Variants in TTPA observed in about 807,000 individuals in gnomAD.
TTPA encodes alpha tocopherol transfer protein.
In TTPA, 23 loss-of-function variants were observed where a neutral mutation model predicts 25.9. The observed-to-expected ratio is 0.89, with a 90% CI of 0.64 to 1.26. The LOEUF (loss-of-function observed/expected upper bound fraction) is 1.26. Among genes scored for constraint, TTPA ranks in the 50% most tolerant of loss-of-function variants. The pLI is 0.00. For synonymous variants in TTPA, 148 were observed against 137.3 expected (o/e 1.08, Z -0.54); for missense variants, 337 against 353.1 (o/e 0.95, Z 0.37).
chr8:63,080,107 G>T (rs989326753), intron 1 of TTPA, among the ~76,000 whole-genome samples: 5 of 152,136 alleles, frequency 3.3e-5, no homozygotes, highest in Admixed American at 6.6e-5. Flanking sequence ...AAATAAAGAT[G>T]TTCTTTGAAA....
intron 1 of TTPA, among the ~76,000 whole-genome samples, chr8:63,081,741 C>T (rs931399936): frequency 2.0e-4 from 30 of 152,108 alleles, no homozygotes; most frequent in African/African-American, 6.8e-4. Flanking sequence ...TTTAGAAAAC[C>T]CCATCGTCTC....
At chr8:63,059,200 T>G (rs1258595672), downstream of TTPA, among the ~76,000 whole-genome samples, 1 of 149,306 alleles carries the variant, frequency 6.7e-6, no homozygotes, top group African/African-American at 2.4e-5. Flanking sequence ...CCCGGCTAAT[T>G]TTTTTGTATT....
At chr8:63,069,933 A>G (rs1277819983) in intron 2 of TTPA, among the ~76,000 whole-genome samples, 1 of 152,192 alleles carries the variant, frequency 6.6e-6, no homozygotes, top group African/African-American at 2.4e-5. Context: ...TCCAGTATCT[A>G]CTTAATATGT....
chr8:63,080,176 T>C (rs1398656231), intron 1 of TTPA, among the ~76,000 whole-genome samples: 4 of 152,126 alleles, frequency 2.6e-5, no homozygotes, highest in African/African-American at 7.2e-5. Context: ...AAGTAGTGTG[T>C]AGAGGGAAAT....
At chr8:63,074,074 T>C (rs1184000700) in intron 1 of TTPA, among the ~76,000 whole-genome samples, 1 of 152,164 alleles carries the variant, frequency 6.6e-6, no homozygotes, top group Admixed American at 6.5e-5. Context: ...TACATTTGTT[T>C]TGAGTTTAAA....
At position 63,060,901 on chromosome 8, in the gene TTPA, C is replaced by T; in HGVS notation, c.*351G>A. The stretch of plus-strand genomic sequence containing the variant: ...AATATTTCTAAATTTTTTTCTAAAC[C>T]AATTTAATCAGAGAACTTGTTTAAA... On this transcript the variant is annotated 3_prime_UTR_variant, in exon 5 of 5. Coordinates refer to ENST00000260116, the MANE Select transcript of TTPA (RefSeq NM_000370.3). 5.5e-6 allele frequency: 1 copy of T among 180,782 alleles called. No homozygotes were observed. Among genetic ancestry groups the T allele is most frequent in the East Asian group, 1.4e-4 (1 of 6,934 alleles). The allele number at this position is 180,782 out of a possible 1,614,324, so 11.2% of individuals were successfully genotyped here.
intron 2 of TTPA, among the ~76,000 whole-genome samples, chr8:63,072,244 T>C (rs1805494114): frequency 6.6e-6 from 1 of 151,592 alleles, no homozygotes; most frequent in African/African-American, 2.4e-5. Flanking sequence ...GTTTACATTA[T>C]AGCCCAGAAT....
chr8:63,076,306 GAAT>G (rs1805561171), intron 1 of TTPA, among the ~76,000 whole-genome samples: 1 of 150,010 alleles, frequency 6.7e-6, no homozygotes, highest in South Asian at 2.1e-4. Context: ...ACAAACACTA[GAAT>G]AATGAGAAAT....
chr8:63,063,251 C>T (rs1028150409), intron 4 of TTPA, among the ~76,000 whole-genome samples: 20 of 152,134 alleles, frequency 1.3e-4, no homozygotes, highest in African/African-American at 4.8e-4. Context: ...AAAAATTCTT[C>T]TTTACAGATT....
chr8:63,068,980 CTT>C (rs1456910051), intron 2 of TTPA, among the ~76,000 whole-genome samples: 4 of 151,802 alleles, frequency 2.6e-5, no homozygotes, highest in African/African-American at 9.7e-5. Context: ...CATGGTGAAA[CTT>C]CATCTCTACT....
chr8:63,085,656 T>C (rs1045132267), intron 1 of TTPA, among the ~76,000 whole-genome samples, 162 bp downstream of exon 1: 4 of 152,186 alleles, frequency 2.6e-5, no homozygotes, highest in Non-Finnish European at 4.4e-5. Flanking sequence ...TCTCGGAACA[T>C]CTACAGCCTC....
chr8:63,072,872 A>T (rs1805503366), intron 2 of TTPA, 63 bp downstream of exon 2: 2 of 1,568,932 alleles, frequency 1.3e-6, no homozygotes, highest in Non-Finnish European at 1.8e-6. Context: ...AGAAGAGGAG[A>T]GGGGAGGGAA....
chr8:63,078,214 C>A (rs1250657686), intron 1 of TTPA, among the ~76,000 whole-genome samples: 1 of 152,156 alleles, frequency 6.6e-6, no homozygotes, highest in Non-Finnish European at 1.5e-5. Context: ...GTGGATAAAA[C>A]CACAAAGATG....
chr8:63,068,529 GA>G (rs1174477299), intron 2 of TTPA, among the ~76,000 whole-genome samples: 1 of 152,212 alleles, frequency 6.6e-6, no homozygotes, highest in African/African-American at 2.4e-5. Context: ...GGATGGGAGT[GA>G]AATCAAACTA....
chr8:63,061,288 T>G lies in TTPA; in HGVS notation c.801A>C (p.Glu267Asp), dbSNP rs765041868. The change falls in exon 5 of 5, where the codon GAA (glutamate) becomes GAC (aspartate). Residue 267 changes from glutamate to aspartate, a missense_variant. Physicochemically the swap from Glu to Asp is conservative, Grantham distance 45. Coordinates refer to ENST00000260116, the MANE Select transcript of TTPA (RefSeq NM_000370.3). ...QEWTNFIMKS[E>D]DYLSSISESI... Reference sequence around the variant, plus strand: ...TCTCAGAAATGCTGCTGAGATAATCTTCAGACTTCATTATAAAATTTGTCC... The same window carrying G: ...TCTCAGAAATGCTGCTGAGATAATCGTCAGACTTCATTATAAAATTTGTCC... 6.2e-7 allele frequency: 1 copy of G among 1,613,860 alleles called. No homozygotes were observed. Among genetic ancestry groups the G allele is most frequent in the South Asian group, 1.1e-5 (1 of 91,072 alleles).
intron 4 of TTPA, among the ~76,000 whole-genome samples, chr8:63,063,486 A>T (rs1805341243): frequency 7.2e-6 from 1 of 138,650 alleles, no homozygotes; most frequent in Non-Finnish European, 1.5e-5. Context: ...TGTTTAAGAA[A>T]AATGTTTATT....
intron 1 of TTPA, among the ~76,000 whole-genome samples, chr8:63,074,395 C>G (rs1429492256): frequency 1.3e-5 from 2 of 152,216 alleles, no homozygotes; most frequent in African/African-American, 4.8e-5. Flanking sequence ...CTCTTTCTCT[C>G]TCTGTCTGTC....
intron 2 of TTPA, among the ~76,000 whole-genome samples, chr8:63,071,467 C>T (rs1233627306): frequency 6.6e-6 from 1 of 151,990 alleles, no homozygotes; most frequent in Non-Finnish European, 1.5e-5. Flanking sequence ...TATCTTTGTC[C>T]TTCAACTGGG....
In TTPA at chr8:63,060,722, T is replaced by C. The variant is rs1805292681; in HGVS notation, c.*530A>G. On this transcript the variant is annotated 3_prime_UTR_variant, in exon 5 of 5. Transcript: ENST00000260116. ...CGTGTTAATATACTAAAATAAAATT[T>C]CCCTGAGATGAAATGTCTTGCTGGT... 6.4e-6 allele frequency: 1 copy of C among 155,794 alleles called. No individual in the cohort carries two copies. The highest frequency in any genetic ancestry group is 2.4e-5 in the African/African-American group (1 of 41,382). 9.7% of individuals were successfully genotyped at this position (155,794 alleles called of 1,614,324 possible).
Sources: allele counts gnomAD v4.1 joint callset (sites outside exome capture counted in the v4.1 genomes callset), GRCh38; gene constraint gnomAD v4.1.1; transcripts MANE v1.5; gene names NCBI Gene and HGNC (gene_info 2026-07-23, HGNC 2026-07-21).